Variants in DPH6 observed in about 807,000 individuals in gnomAD.
DPH6 encodes diphthine--ammonia ligase.
A neutral mutation model predicts 38.2 loss-of-function variants in DPH6; 33 were observed. The ratio of observed to expected loss-of-function variants is 0.86; its 90% CI spans 0.65 to 1.15. The LOEUF (loss-of-function observed/expected upper bound fraction) is 1.15. DPH6 is among the 50% of genes most tolerant of loss of function. The pLI, the probability that DPH6 is intolerant of heterozygous loss-of-function variation, is 0.00. For synonymous variants in DPH6, 108 were observed against 103.0 expected (o/e 1.05, Z -0.30); for missense variants, 325 against 320.0 (o/e 1.02, Z -0.12).
At chr15:35,432,494 A>G (rs2053645048) in intron 5 of DPH6, among the ~76,000 whole-genome samples, 1 of 152,218 alleles carries the variant, frequency 6.6e-6, no homozygotes. Flanking sequence ...GGATGACAGA[A>G]ATATCAAACT....
intron 4 of DPH6, among the ~76,000 whole-genome samples, 158 bp from the exon 5 acceptor site, chr15:35,450,961 A>G (rs2053925554): frequency 6.6e-6 from 1 of 152,242 alleles, no homozygotes; most frequent in Non-Finnish European, 1.5e-5. Context: ...TATATATACA[A>G]CATAAACATA....
intron 3 of DPH6, among the ~76,000 whole-genome samples, chr15:35,275,763 T>A (rs111321509): frequency 1.0e-3 from 157 of 152,272 alleles, no homozygotes; most frequent in African/African-American, 3.7e-3. Context: ...TCCAGGTGAC[T>A]GCAAATGTCA....
the DPH6 span, among the ~76,000 whole-genome samples, chr15:35,150,861 T>A: frequency 1.3e-5 from 2 of 152,204 alleles, no homozygotes; most frequent in African/African-American, 2.4e-5. Flanking sequence ...TTTCCGTTAA[T>A]AATCGAAATA....
At chr15:35,496,568 AT>A (rs1448853305) in intron 3 of DPH6, among the ~76,000 whole-genome samples, 1,209 of 50,624 alleles carry the variant, frequency 0.024, 80 homozygotes, top group African/African-American at 0.088. Flanking sequence ...AAAAAAAAAA[AT>A]ATATATATAT....
In DPH6 at chr15:35,308,394, T is replaced by C. The variant is rs529447542; in HGVS notation, n.200+65127A>G. On this transcript the variant is annotated intron_variant and non_coding_transcript_variant, in intron 3 of 3. Transcript: ENST00000560386. Reference sequence around the variant, plus strand: ...TATCACATTGTATCTCATAAATGTATACAATTTTTATTTCCAACCAAAAAT... The same window carrying C: ...TATCACATTGTATCTCATAAATGTACACAATTTTTATTTCCAACCAAAAAT... 7.9e-5 allele frequency among the ~76,000 whole-genome samples: 12 copies of C among 152,252 alleles called. No homozygotes were observed. The East Asian group carries it at 1.9e-3, about 25-fold the overall frequency.
Position 35,522,091 on chromosome 15 carries a change from AC to A in DPH6, c.312+16182del, listed in dbSNP as rs2054930185. On this transcript the variant is annotated intron_variant, in intron 3 of 8. Transcript: ENST00000256538. ...TTGAGGGGAATCAGTAAAACTGGAA[AC>A]TCATACTTCACATTTTGCAATCTCA... The A allele has an allele frequency of 3.1e-6, 5 of 1,612,156 alleles. No individual in the cohort carries two copies. The East Asian group carries it at 1.1e-4, about 36-fold the overall frequency.
intron 3 of DPH6, among the ~76,000 whole-genome samples, chr15:35,461,074 T>C (rs1009636772): frequency 1.3e-5 from 2 of 152,106 alleles, no homozygotes; most frequent in African/African-American, 4.8e-5. Flanking sequence ...TCAGAATACT[T>C]ATTTATTTAT....
chr15:35,228,202 C>A (rs1046372925), intron 3 of DPH6, among the ~76,000 whole-genome samples: 2 of 152,126 alleles, frequency 1.3e-5, no homozygotes, highest in Non-Finnish European at 2.9e-5. Context: ...ATAATAAAGA[C>A]CCTGCACCTT....
intron 5 of DPH6, among the ~76,000 whole-genome samples, chr15:35,413,862 A>T (rs949711151): frequency 1.3e-5 from 2 of 151,612 alleles, no homozygotes; most frequent in African/African-American, 4.8e-5. Flanking sequence ...TGAATTGAAA[A>T]TTATTTTAAT....
intron 3 of DPH6, among the ~76,000 whole-genome samples, chr15:35,301,405 G>A (rs1299203042): frequency 6.6e-5 from 10 of 152,130 alleles, no homozygotes; most frequent in Admixed American, 5.2e-4. Flanking sequence ...GGTAAAATAC[G>A]AAGAATAACA....
intron 3 of DPH6, among the ~76,000 whole-genome samples, chr15:35,458,618 G>GA (rs1246365956): frequency 3.9e-5 from 6 of 151,918 alleles, no homozygotes; most frequent in Non-Finnish European, 5.9e-5. Flanking sequence ...TGTCAGCAGA[G>GA]AAAAAAAGAG....
intron 5 of DPH6, among the ~76,000 whole-genome samples, chr15:35,446,432 G>A (rs933117563): frequency 1.3e-5 from 2 of 150,902 alleles, no homozygotes; most frequent in African/African-American, 4.8e-5. Context: ...GTCTCCCTAT[G>A]TTGCCCAGGC....
At chr15:35,466,823 G>A (rs987202187) in intron 3 of DPH6, among the ~76,000 whole-genome samples, 5 of 151,918 alleles carry the variant, frequency 3.3e-5, no homozygotes, top group African/African-American at 1.2e-4. Flanking sequence ...GTAAATATTT[G>A]GGTATCTAAA....
intron 3 of DPH6, among the ~76,000 whole-genome samples, chr15:35,258,057 A>G (rs763625666): frequency 7.2e-5 from 11 of 152,104 alleles, no homozygotes; most frequent in Non-Finnish European, 1.5e-4. Flanking sequence ...GATATCTTCT[A>G]TCCATTCTTT....
chr15:35,356,557 C>T (rs2052562081), intron 3 of DPH6, among the ~76,000 whole-genome samples: 2 of 152,174 alleles, frequency 1.3e-5, no homozygotes, highest in Admixed American at 1.3e-4. Flanking sequence ...ACTCCAGACC[C>T]TGTTTGCCTG....
At chr15:35,539,764 C>T (rs922185714) in intron 2 of DPH6, among the ~76,000 whole-genome samples, 2 of 151,874 alleles carry the variant, frequency 1.3e-5, no homozygotes, top group African/African-American at 4.8e-5. Context: ...TGAAAACTTC[C>T]TATCAAAAGG....
chr15:35,406,925 G>T (rs950727416), intron 6 of DPH6, among the ~76,000 whole-genome samples: 1 of 151,970 alleles, frequency 6.6e-6, no homozygotes, highest in Non-Finnish European at 1.5e-5. Flanking sequence ...GACTATTTCA[G>T]ATCACCACAG....
chr15:35,253,870 G>A (rs1378263430), intron 3 of DPH6, among the ~76,000 whole-genome samples: 2 of 152,158 alleles, frequency 1.3e-5, no homozygotes, highest in Admixed American at 6.5e-5. Context: ...AATTGTCATT[G>A]GCATTCCATT....
chr15:35,347,594 T>C lies in DPH6; in HGVS notation n.208-16517A>G, dbSNP rs545404228. Among the ~76,000 whole-genome samples, 9 of 152,214 alleles carry C rather than the reference T, an allele frequency of 5.9e-5. No individual in the cohort carries two copies. In the South Asian group the frequency reaches 1.9e-3, roughly 32 times the overall value. On this transcript the variant is annotated intron_variant and non_coding_transcript_variant, in intron 3 of 3. Coordinates refer to the DPH6 transcript ENST00000558973. The stretch of plus-strand genomic sequence containing the variant: ...ATTGTGAAAAATACTGCAATAAACT[T>C]GGAGTCCAAATATCTCTTCAATATC...
Sources: gnomAD v4.1 joint callset for allele counts (sites outside exome capture counted in the v4.1 genomes callset) on GRCh38, gnomAD v4.1.1 for gene constraint, MANE v1.5 for transcripts, NCBI Gene and HGNC (gene_info 2026-07-23, HGNC 2026-07-21) for gene names.